CSNK2A1: variants seen among roughly 807,000 people sequenced by gnomAD.
CSNK2A1 encodes the protein casein kinase II subunit alpha.
A neutral mutation model predicts 62.9 loss-of-function variants in CSNK2A1; 10 were observed. That is an observed-to-expected ratio of 0.16 (90% confidence interval 0.10 to 0.27). The LOEUF is 0.27. CSNK2A1 is among the 10% of genes least tolerant of loss of function. The probability of loss-of-function intolerance (pLI) is 1.00; values close to 1 mark genes in which losing one functional copy is unlikely to be tolerated. For synonymous variants in CSNK2A1, 124 were observed against 167.8 expected (o/e 0.74, Z 2.02); for missense variants, 160 against 492.0 (o/e 0.33, Z 6.38).
chr20:533,309 A>G (rs2019251528), intron 1 of CSNK2A1, among the ~76,000 whole-genome samples: 1 of 152,254 alleles, frequency 6.6e-6, no homozygotes. Flanking sequence ...AGTAATACTT[A>G]GTAATTCATG....
chr20:485,250 C>T (rs1395153306), intron 13 of CSNK2A1, among the ~76,000 whole-genome samples: 1 of 150,426 alleles, frequency 6.6e-6, no homozygotes, highest in Non-Finnish European at 1.5e-5. Context: ...ACGGTGCGAT[C>T]TCGGCTCACT....
intron 2 of CSNK2A1, among the ~76,000 whole-genome samples, chr20:520,916 G>A (rs1187838053): frequency 6.6e-6 from 1 of 152,176 alleles, no homozygotes; most frequent in East Asian, 1.9e-4. Flanking sequence ...ACTTGGGTCA[G>A]ATGCGGTGGC....
intron 1 of CSNK2A1, among the ~76,000 whole-genome samples, chr20:536,810 A>G (rs1169100760): frequency 1.3e-5 from 2 of 152,220 alleles, no homozygotes; most frequent in Admixed American, 6.5e-5. Flanking sequence ...CTTGGAGGGC[A>G]GTGACAGTTT....
intron 1 of CSNK2A1, among the ~76,000 whole-genome samples, chr20:535,034 C>CAAAAAAAAAAA (rs11469217): frequency 3.9e-5 from 2 of 50,754 alleles, no homozygotes; most frequent in African/African-American, 1.7e-4. Context: ...TGCTATCTCC[C>CAAAAAAAAAAA]AAAAAAAAAA....
chr20:489,924 G>A, intron 9 of CSNK2A1, 43 bp from the exon 10 acceptor site: 3 of 1,428,224 alleles, frequency 2.1e-6, no homozygotes, highest in Non-Finnish European at 2.8e-6. Flanking sequence ...TGAATCCTCA[G>A]GCTTGTCACT....
intron 3 of CSNK2A1, among the ~76,000 whole-genome samples, chr20:505,652 G>A (rs1269019601): frequency 3.4e-5 from 5 of 148,024 alleles, no homozygotes; most frequent in Admixed American, 1.3e-4. Context: ...GTGAGCCACC[G>A]CGCCTGGCCC....
At chr20:516,488 C>A (rs1293820781) in intron 2 of CSNK2A1, among the ~76,000 whole-genome samples, 1 of 152,076 alleles carries the variant, frequency 6.6e-6, no homozygotes, top group Non-Finnish European at 1.5e-5. Context: ...AAAGAAAATG[C>A]CATTAAACCA....
Position 499,963 on chromosome 20 carries a change from A to C in CSNK2A1, c.214-29T>G, listed in dbSNP as rs775583313. The C allele has an allele frequency of 6.5e-7, 1 of 1,535,398 alleles. No homozygotes were observed. On this transcript the variant is annotated intron_variant, in intron 4 of 13. Transcript: ENST00000217244. The surrounding 1 kb of genome is among the most constrained non-coding windows in gnomAD (Gnocchi z 4.2). ...AAAGGGGAAAAGTACATCAGCAAAA[A>C]AAAAAAAAAAAAATTTTTTCAGAGT...
intron 11 of CSNK2A1, 43 bp from the exon 12 acceptor site, chr20:487,618 A>G: frequency 6.2e-7 from 1 of 1,612,738 alleles, no homozygotes; most frequent in Non-Finnish European, 8.5e-7. Context: ...CCACGTGGGC[A>G]CAGAAGCCCA....
intron 2 of CSNK2A1, among the ~76,000 whole-genome samples, chr20:522,877 T>C (rs2018980625): frequency 6.6e-6 from 1 of 152,080 alleles, no homozygotes; most frequent in Non-Finnish European, 1.5e-5. Flanking sequence ...ACCTAACTTC[T>C]GAGAACCAGG....
chr20:495,882 C>A, intron 7 of CSNK2A1, 80 bp from the exon 8 acceptor site: 4 of 1,247,144 alleles, frequency 3.2e-6, no homozygotes, highest in Non-Finnish European at 4.7e-6. Flanking sequence ...TGTAAATTTT[C>A]CTTTTAGCCT....
chr20:505,233 T>G lies in CSNK2A1; in HGVS notation c.102-4A>C. On this transcript the variant is annotated splice_polypyrimidine_tract_variant and splice_region_variant and intron_variant, in intron 3 of 13. Coordinates refer to ENST00000217244, the MANE Select transcript of CSNK2A1 (RefSeq NM_177559.3). Reference sequence around the variant, plus strand: ...CAGCTGGTAGTCATCTTGATTTCTGTGGACACAAACAAAATGACTTATAAA... The same window carrying G: ...CAGCTGGTAGTCATCTTGATTTCTGGGGACACAAACAAAATGACTTATAAA... 1 of 1,610,132 alleles carries G rather than the reference T, an allele frequency of 6.2e-7. No individual in the cohort carries two copies.
intron 2 of CSNK2A1, among the ~76,000 whole-genome samples, chr20:527,443 G>A (rs1212893539): frequency 6.6e-6 from 1 of 152,122 alleles, no homozygotes; most frequent in African/African-American, 2.4e-5. Flanking sequence ...CTCCTCTCCA[G>A]GTCTCTGTGC....
At chr20:484,696 G>T (rs535429194) in intron 13 of CSNK2A1, among the ~76,000 whole-genome samples, 1,987 of 66,208 alleles carry the variant, frequency 0.03, 18 homozygotes, top group South Asian at 0.13. Flanking sequence ...TCATGTTTTT[G>T]TGTGTGTGTG....
rs112500703 is a variant in CSNK2A1, at chr20:519,886, C to T, written c.-110+8047G>A. 3.5e-3 allele frequency among the ~76,000 whole-genome samples: 534 copies of T among 152,084 alleles called. 2 individuals are homozygous for T. Among genetic ancestry groups the T allele is most frequent in the African/African-American group, 0.012 (504 of 41,520 alleles). ...GAGCTTTAAAACATAGAATACATAA[C>T]AATAAAAACACAGTGTATTGAGGAG... is the stretch of plus-strand genomic sequence containing the variant. On this transcript the variant is annotated intron_variant, in intron 2 of 13. Transcript: ENST00000217244.
intron 4 of CSNK2A1, chr20:504,100 AC>A (rs1199997125): frequency 6.5e-6 from 1 of 152,776 alleles, no homozygotes; most frequent in Admixed American, 6.5e-5. Context: ...AATCGCTTGA[AC>A]CCAGGAGGCG....
At chr20:510,285 C>T (rs902683371) in intron 2 of CSNK2A1, 3 of 151,996 alleles carry the variant, frequency 2.0e-5, no homozygotes, top group African/African-American at 7.3e-5. Context: ...ATGTGATTCT[C>T]CTGCCTCAGC....
chr20:506,837 A>G (rs2018613095), intron 3 of CSNK2A1: 1 of 152,194 alleles, frequency 6.6e-6, no homozygotes, highest in Non-Finnish European at 1.5e-5. Context: ...AGCAAACAGA[A>G]CCATGCCAAA....
intron 1 of CSNK2A1, among the ~76,000 whole-genome samples, chr20:540,345 A>T: frequency 6.6e-6 from 1 of 152,232 alleles, no homozygotes; most frequent in African/African-American, 2.4e-5. Flanking sequence ...TGGAAATCTC[A>T]GCTAAATATA....
Sources: gnomAD v4.1 joint callset for allele counts (sites outside exome capture counted in the v4.1 genomes callset) on GRCh38, gnomAD v4.1.1 for gene constraint, Gnocchi (gnomAD v3.1) non-coding constraint, MANE v1.5 for transcripts, NCBI Gene and HGNC (gene_info 2026-07-23, HGNC 2026-07-21) for gene names.